Variants in LYPLAL1 observed in about 807,000 individuals in gnomAD.
LYPLAL1 encodes the protein lysophospholipase-like protein 1.
LYPLAL1 carries 23 observed loss-of-function variants against 19.7 expected under a neutral mutation model. The observed-to-expected ratio is 1.17, with a 90% confidence interval of 0.84 to 1.65. The LOEUF (loss-of-function observed/expected upper bound fraction) is 1.65. Among genes scored for constraint, LYPLAL1 ranks in the 40% most tolerant of loss-of-function variants. LYPLAL1 has a pLI of 0.00. For synonymous variants in LYPLAL1, 119 were observed against 96.3 expected, an observed-to-expected ratio of 1.24 and a Z score of -1.38; for missense variants, 355 against 279.4, an observed-to-expected ratio of 1.27 and a Z score of -1.93.
the LYPLAL1 span, among the ~76,000 whole-genome samples, chr1:219,235,898 C>T: frequency 2.0e-5 from 3 of 152,046 alleles, no homozygotes; most frequent in Non-Finnish European, 2.9e-5. Context: ...GTTCTGAGGT[C>T]GGGCATTTGT....
chr1:219,336,423 A>AATAG, the LYPLAL1 span, among the ~76,000 whole-genome samples: 2 of 152,062 alleles, frequency 1.3e-5, no homozygotes, highest in South Asian at 4.1e-4. Context: ...TGAGGATTAA[A>AATAG]ATAGATAATG....
At chr1:219,287,186 A>G in the LYPLAL1 span, among the ~76,000 whole-genome samples, 1 of 152,202 alleles carries the variant, frequency 6.6e-6, no homozygotes, top group Admixed American at 6.5e-5. Flanking sequence ...TTTTATCCGA[A>G]TGCAGGAAGA....
chr1:219,431,262 A>C, the LYPLAL1 span, among the ~76,000 whole-genome samples: 1 of 151,674 alleles, frequency 6.6e-6, no homozygotes, highest in Non-Finnish European at 1.5e-5. Context: ...TTTATTCTAC[A>C]TGTTTTCAGA....
At chr1:219,421,655 T>C in the LYPLAL1 span, among the ~76,000 whole-genome samples, 1 of 152,126 alleles carries the variant, frequency 6.6e-6, no homozygotes, top group Non-Finnish European at 1.5e-5. Flanking sequence ...GAGATTCTAT[T>C]ATCCTACAAG....
the LYPLAL1 span, among the ~76,000 whole-genome samples, chr1:219,357,489 A>G: frequency 3.9e-5 from 6 of 152,240 alleles, no homozygotes; most frequent in Admixed American, 2.6e-4. Context: ...ACAAAATGAG[A>G]TACCATACTC....
the LYPLAL1 span, among the ~76,000 whole-genome samples, chr1:219,238,199 G>C: frequency 2.0e-5 from 3 of 147,390 alleles, no homozygotes; most frequent in African/African-American, 7.5e-5. Flanking sequence ...GTGCAGTGGC[G>C]CAATCTCGGC....
chr1:219,284,084 T>G, the LYPLAL1 span, among the ~76,000 whole-genome samples: 1 of 152,204 alleles, frequency 6.6e-6, no homozygotes, highest in Non-Finnish European at 1.5e-5. Flanking sequence ...CTGATGATTT[T>G]GTAAGGCAGT....
the LYPLAL1 span, among the ~76,000 whole-genome samples, chr1:219,439,438 A>C: frequency 6.6e-6 from 1 of 152,160 alleles, no homozygotes; most frequent in Non-Finnish European, 1.5e-5. Flanking sequence ...ACGTTATCCA[A>C]CCTCAGCAGC....
chr1:219,330,957 A>G, the LYPLAL1 span, among the ~76,000 whole-genome samples: 1 of 152,176 alleles, frequency 6.6e-6, no homozygotes, highest in African/African-American at 2.4e-5. Flanking sequence ...TCAAAGTCAC[A>G]TATTAGCAAC....
the LYPLAL1 span, among the ~76,000 whole-genome samples, chr1:219,321,085 C>T: frequency 1.3e-5 from 2 of 152,214 alleles, no homozygotes; most frequent in African/African-American, 4.8e-5. Context: ...TATTTCTCCA[C>T]ATCCTCTCCA....
chr1:219,241,062 A>G, the LYPLAL1 span, among the ~76,000 whole-genome samples: 5 of 143,128 alleles, frequency 3.5e-5, no homozygotes, highest in African/African-American at 1.3e-4. Context: ...ATATATCTAT[A>G]TCTATCTATA....
chr1:219,263,347 C>G, the LYPLAL1 span, among the ~76,000 whole-genome samples: 3 of 152,124 alleles, frequency 2.0e-5, no homozygotes, highest in African/African-American at 4.8e-5. Context: ...CTGCTGTGCC[C>G]CACCAATAGT....
chr1:219,355,248 G>A, the LYPLAL1 span, among the ~76,000 whole-genome samples: 1 of 152,078 alleles, frequency 6.6e-6, no homozygotes, highest in Non-Finnish European at 1.5e-5. Context: ...TACTGCATTG[G>A]ACAGCACAGC....
chr1:219,288,996 T>TA, the LYPLAL1 span, among the ~76,000 whole-genome samples: 2 of 151,928 alleles, frequency 1.3e-5, no homozygotes, highest in Non-Finnish European at 2.9e-5. Context: ...ACCGTCTTAA[T>TA]ACATCTGGAT....
chr1:219,341,384 T>G, the LYPLAL1 span, among the ~76,000 whole-genome samples: 1 of 152,104 alleles, frequency 6.6e-6, no homozygotes, highest in Non-Finnish European at 1.5e-5. Context: ...GCTCTAAACT[T>G]TTACACATTT....
chr1:219,221,679 T>A, the LYPLAL1 span, among the ~76,000 whole-genome samples: 1 of 152,212 alleles, frequency 6.6e-6, no homozygotes, highest in African/African-American at 2.4e-5. Context: ...GCCACCTTCC[T>A]TTGCCAGAGG....
At chr1:219,282,213 C>G in the LYPLAL1 span, among the ~76,000 whole-genome samples, 1 of 151,568 alleles carries the variant, frequency 6.6e-6, no homozygotes, top group Non-Finnish European at 1.5e-5. Context: ...GAACTCCTGT[C>G]TATAAAAAAT....
the LYPLAL1 span, among the ~76,000 whole-genome samples, chr1:219,335,396 A>C: frequency 6.6e-6 from 1 of 151,768 alleles, no homozygotes; most frequent in Non-Finnish European, 1.5e-5. Flanking sequence ...AGAACACAGC[A>C]TTTTCTCATT....
intron 2 of LYPLAL1, among the ~76,000 whole-genome samples, chr1:219,187,837 C>A (rs1656849318): frequency 6.6e-6 from 1 of 151,600 alleles, no homozygotes; most frequent in Admixed American, 6.6e-5. Flanking sequence ...TACAAGTATG[C>A]TAGTAAGGAA....
Sources: gnomAD v4.1 joint callset for allele counts (sites outside exome capture counted in the v4.1 genomes callset) on GRCh38, gnomAD v4.1.1 for gene constraint, MANE v1.5 for transcripts, NCBI Gene and HGNC (gene_info 2026-07-23, HGNC 2026-07-21) for gene names.